MYOM2: variants seen among roughly 807,000 people sequenced by gnomAD.
MYOM2 encodes myomesin 2, also known as myomesin-2.
In MYOM2, 254 loss-of-function variants were observed where a neutral mutation model predicts 187.6. That is an observed-to-expected ratio of 1.35 (90% confidence interval 1.22 to 1.50). MYOM2 has a LOEUF of 1.50. MYOM2 is among the 40% of genes most tolerant of loss of function. MYOM2 has a pLI of 0.00. For synonymous variants in MYOM2, 981 were observed against 753.8 expected (o/e 1.30, Z -4.94); for missense variants, 2,796 against 1,924.0 (o/e 1.45, Z -8.48).
chr8:2,056,553 C>G (rs1358780407), intron 3 of MYOM2, among the ~76,000 whole-genome samples: 1 of 152,174 alleles, frequency 6.6e-6, no homozygotes, highest in African/African-American at 2.4e-5. Context: ...ATGCTGAATC[C>G]TTTAATCCTT....
rs778864709 is a variant in MYOM2 at position 2,057,605 on chromosome 8, C to T, written c.403-18C>T. On this transcript the variant is annotated intron_variant, in intron 4 of 36. Coordinates refer to ENST00000262113, the MANE Select transcript of MYOM2 (RefSeq NM_003970.4). ...GCTCGCTGCCTGGGAACCTGACCAT[C>T]CTTGCTTCTCGGGGCAGATGGAGGA... 17 of 1,613,696 alleles carry T rather than the reference C, an allele frequency of 1.1e-5. No individual in the cohort carries two copies. The highest frequency in any genetic ancestry group is 3.3e-4 in the Middle Eastern group (2 of 6,084).
Position 2,098,984 on chromosome 8 carries a change from G to T in MYOM2, c.2440+1G>T, listed in dbSNP as rs753873929. ...GAGGCCTGGACCATGCCGGAGCCCGGTGAGTCGCTGCCCCCAGGACACCCG... is the reference window on the plus strand; with the variant it reads ...GAGGCCTGGACCATGCCGGAGCCCGTTGAGTCGCTGCCCCCAGGACACCCG... On this transcript the variant is annotated splice_donor_variant, in intron 19 of 36. Transcript: ENST00000262113. LOFTEE classifies it high-confidence loss of function. The T allele has an allele frequency of 6.2e-7, 1 of 1,601,152 alleles. No homozygotes were observed. Among genetic ancestry groups the T allele is most frequent in the Non-Finnish European group, 8.5e-7 (1 of 1,171,012 alleles).
rs1297714265 is a variant in MYOM2 at position 2,145,030 on chromosome 8, G to C, written c.*49G>C. The C allele has an allele frequency of 1.3e-6, 2 of 1,596,162 alleles. No homozygotes were observed. Among genetic ancestry groups the C allele is most frequent in the Non-Finnish European group, 1.7e-6 (2 of 1,170,274 alleles). Reference sequence around the variant, plus strand: ...GGGAAAATATGCTTGGCAGAGACAGGAATGCTGTGTGCTTGTTCCAAATGA... The same window carrying C: ...GGGAAAATATGCTTGGCAGAGACAGCAATGCTGTGTGCTTGTTCCAAATGA... On this transcript the variant is annotated 3_prime_UTR_variant, in exon 37 of 37. Coordinates refer to ENST00000262113, the MANE Select transcript of MYOM2 (RefSeq NM_003970.4).
At chr8:2,107,230 C>T (rs996758413) in intron 23 of MYOM2, among the ~76,000 whole-genome samples, 12 of 152,210 alleles carry the variant, frequency 7.9e-5, no homozygotes, top group African/African-American at 2.9e-4. Flanking sequence ...ATCTACCCCA[C>T]CCACAGGACA....
intron 1 of MYOM2, among the ~76,000 whole-genome samples, chr8:2,046,401 C>T (rs1342971758): frequency 2.6e-5 from 4 of 152,126 alleles, no homozygotes; most frequent in African/African-American, 9.7e-5. Context: ...GGGAGCTGGG[C>T]TGTGGTGGAA....
In MYOM2 at chr8:2,057,399, C is replaced by T; in HGVS notation, c.315C>T (p.Leu105=). Reference sequence around the variant, plus strand: ...GTGAGGCCAAGCGACAGCGCTTCCTCAGCGAGCTGGCCCACTTGGAGGAGG... The same window carrying T: ...GTGAGGCCAAGCGACAGCGCTTCCTTAGCGAGCTGGCCCACTTGGAGGAGG... ...AYGEAKRQRF[L]SELAHLEEDV... is the part of the protein sequence containing the mutation. The change falls in exon 4 of 37, where the codon CTC becomes CTT. Residue 105 remains leucine (L), a synonymous_variant. Coordinates refer to ENST00000262113, the MANE Select transcript of MYOM2 (RefSeq NM_003970.4). 1.2e-6 allele frequency: 2 copies of T among 1,613,958 alleles called. No individual in the cohort carries two copies. Among genetic ancestry groups the T allele is most frequent in the South Asian group, 1.1e-5 (1 of 91,018 alleles).
At position 2,085,419 on chromosome 8, in the gene MYOM2, G is replaced by C. The variant is rs1174714601; in HGVS notation, c.1644+29G>C. 4.5e-6 allele frequency: 7 copies of C among 1,570,660 alleles called. No homozygotes were observed. In the African/African-American group the frequency reaches 8.9e-5, roughly 20 times the overall value. On this transcript the variant is annotated intron_variant, in intron 14 of 36. Transcript: ENST00000262113. ...AACTCCGGGCCCGTGTCCTGGAAAA[G>C]TAGATCTCTGCATGGCCCCCCACTG...
chr8:2,130,346 C>T (rs978441045), intron 32 of MYOM2, among the ~76,000 whole-genome samples: 1 of 120,670 alleles, frequency 8.3e-6, no homozygotes, highest in East Asian at 3.0e-4. Context: ...GGCGCCCACA[C>T]CCCGCCTTTA....
chr8:2,145,168 A>G lies in MYOM2; in HGVS notation c.*187A>G. 3.1e-6 allele frequency: 2 copies of G among 654,500 alleles called. No homozygotes were observed. Among genetic ancestry groups the G allele is most frequent in the East Asian group, 5.5e-5 (2 of 36,212 alleles). The allele number at this position is 654,500 out of a possible 1,614,324, so 40.5% of individuals were successfully genotyped here. ...TATACCCGTCTAAGGGAGAAAGCTA[A>G]TGTTTTCCACAAGACTGAACAACGT... On this transcript the variant is annotated 3_prime_UTR_variant, in exon 37 of 37. Transcript: ENST00000262113.
chr8:2,126,513 C>A lies in MYOM2; in HGVS notation c.3694+2296C>A, dbSNP rs954963865. On this transcript the variant is annotated intron_variant, in intron 31 of 36. Coordinates refer to ENST00000262113, the MANE Select transcript of MYOM2 (RefSeq NM_003970.4). The stretch of plus-strand genomic sequence containing the variant: ...ACACACTTACATGTGAACTCACACA[C>A]TGACACACACACTCATACACACACT... Among the ~76,000 whole-genome samples, 8 of 152,292 alleles carry A rather than the reference C, an allele frequency of 5.3e-5. No individual in the cohort carries two copies. In the South Asian group the frequency reaches 1.2e-3, roughly 24 times the overall value.
intron 23 of MYOM2, among the ~76,000 whole-genome samples, chr8:2,106,875 T>G (rs1796911189): frequency 6.6e-6 from 1 of 152,192 alleles, no homozygotes. Flanking sequence ...TTTAATAGTT[T>G]GGTATGCAGA....
At chr8:2,104,801 T>G (rs1035565385) in intron 21 of MYOM2, among the ~76,000 whole-genome samples, 26 of 152,024 alleles carry the variant, frequency 1.7e-4, no homozygotes, top group African/African-American at 6.3e-4. Context: ...AGCCTTGCTT[T>G]ATAACATTTA....
Position 2,141,186 on chromosome 8 carries a change from T to C in MYOM2, c.4001+9T>C. 6.2e-7 allele frequency: 1 copy of C among 1,612,044 alleles called. No homozygotes were observed. The highest frequency in any genetic ancestry group is 1.1e-5 in the South Asian group (1 of 90,778). ...GAATTCCAGCAATTCAAGTAAGATT[T>C]GTGTATTTAGTTACTATGATATCCT... is the stretch of plus-strand genomic sequence containing the variant. On this transcript the variant is annotated intron_variant, in intron 34 of 36. Transcript: ENST00000262113.
intron 5 of MYOM2, 143 bp from the exon 6 acceptor site, chr8:2,059,010 G>A (rs1038932817): frequency 1.2e-5 from 8 of 657,336 alleles, no homozygotes; most frequent in Middle Eastern, 2.6e-4. Flanking sequence ...GGGCCTCACC[G>A]TCAGGGCTCT....
At chr8:2,124,690 G>T (rs28418592) in intron 31 of MYOM2, among the ~76,000 whole-genome samples, 32,502 of 151,912 alleles carry the variant, frequency 0.21, 3,677 homozygotes, top group East Asian at 0.42. Flanking sequence ...CTTTTCTATA[G>T]TGGCTATATT....
chr8:2,103,277 G>A (rs1240189876), intron 21 of MYOM2, among the ~76,000 whole-genome samples: 1 of 149,498 alleles, frequency 6.7e-6, no homozygotes, highest in Non-Finnish European at 1.5e-5. Context: ...TGTATTATGT[G>A]TATATGTGTA....
chr8:2,084,682 G>T (rs1001656232), intron 13 of MYOM2, among the ~76,000 whole-genome samples: 2 of 152,180 alleles, frequency 1.3e-5, no homozygotes, highest in African/African-American at 4.8e-5. Context: ...TTTGCAAAAG[G>T]CTTATCAACA....
chr8:2,144,611 A>C, intron 36 of MYOM2, 53 bp from the exon 37 acceptor site: 2 of 1,585,310 alleles, frequency 1.3e-6, no homozygotes, highest in East Asian at 4.5e-5. Flanking sequence ...AGGGGGTGAC[A>C]TGACTTTCCT....
chr8:2,077,421 G>C (rs1819468119), intron 11 of MYOM2, among the ~76,000 whole-genome samples: 1 of 152,164 alleles, frequency 6.6e-6, no homozygotes, highest in South Asian at 2.1e-4. Context: ...AAAATAAGGT[G>C]ATTATCTTAG....
Sources: gnomAD v4.1 joint callset for allele counts (sites outside exome capture counted in the v4.1 genomes callset) on GRCh38, gnomAD v4.1.1 for gene constraint, MANE v1.5 for transcripts, NCBI Gene and HGNC (gene_info 2026-07-23, HGNC 2026-07-21) for gene names.